The following PCMT1 variants were observed in gnomAD, a reference collection of about 807,000 sequenced individuals.
PCMT1 encodes protein-L-isoaspartate(D-aspartate) O-methyltransferase.
A neutral mutation model predicts 29.2 loss-of-function variants in PCMT1; 9 were observed. That is an observed-to-expected ratio of 0.31 (90% CI 0.19 to 0.54). The LOEUF (loss-of-function observed/expected upper bound fraction) is 0.54, where lower values mean the gene tolerates loss of function less well. Among genes scored for constraint, PCMT1 ranks in the 20% least tolerant of loss-of-function variants. The pLI is 0.95. For synonymous variants in PCMT1, 98 were observed against 97.5 expected (o/e 1.00, Z -0.03); for missense variants, 184 against 282.2 (o/e 0.65, Z 2.49).
intron 5 of PCMT1, chr6:149,796,196 A>G: frequency 2.6e-6 from 1 of 385,758 alleles, no homozygotes. Context: ...TGTTAACTCC[A>G]GTTTTTCATC....
chr6:149,801,482 C>T (rs922783576), intron 6 of PCMT1, among the ~76,000 whole-genome samples: 2 of 152,138 alleles, frequency 1.3e-5, no homozygotes, highest in South Asian at 2.1e-4. Context: ...GAGTCTCGCT[C>T]TGTCACCCAG....
chr6:149,788,787 C>G (rs931723341), intron 3 of PCMT1, among the ~76,000 whole-genome samples: 1 of 152,030 alleles, frequency 6.6e-6, no homozygotes, highest in Non-Finnish European at 1.5e-5. Context: ...TGTAAATATC[C>G]TGTTTATTTT....
intron 1 of PCMT1, 158 bp downstream of exon 1, chr6:149,750,114 G>C (rs1786242243): frequency 9.7e-7 from 1 of 1,035,894 alleles, no homozygotes; most frequent in African/African-American, 1.6e-5. Context: ...TGCGCTTGCA[G>C]TCGCCTCCCT....
At chr6:149,750,159 A>C in intron 1 of PCMT1, 1 of 714,888 alleles carries the variant, frequency 1.4e-6, no homozygotes, top group Non-Finnish European at 2.2e-6. Context: ...GTGGACTGGA[A>C]GGGGAGAGAA....
intron 3 of PCMT1, among the ~76,000 whole-genome samples, chr6:149,787,689 T>C (rs1276958467): frequency 6.6e-6 from 1 of 151,862 alleles, no homozygotes; most frequent in East Asian, 2.0e-4. Flanking sequence ...TTTGACATAA[T>C]TTCTGACTTA....
chr6:149,808,233 TAATG>T (rs890161422), intron 7 of PCMT1, among the ~76,000 whole-genome samples: 7 of 152,184 alleles, frequency 4.6e-5, no homozygotes, highest in African/African-American at 1.7e-4. Flanking sequence ...GTTATTAACC[TAATG>T]AATATATTTA....
chr6:149,810,764 T>G lies in PCMT1; in HGVS notation c.*186T>G. ...TTATTTTCAGCATGAAAATGTGTGT[T>G]TTTTTAGGGTTTCTGATTCTTCAAA... On this transcript the variant is annotated 3_prime_UTR_variant, in exon 8 of 8. Transcript: ENST00000464889. The G allele has an allele frequency of 3.2e-6, 2 of 630,002 alleles. No individual in the cohort carries two copies. The highest frequency in any genetic ancestry group is 5.3e-6 in the Non-Finnish European group (2 of 377,902). The allele number at this position is 630,002 out of a possible 1,614,324, so 39.0% of individuals were successfully genotyped here. A position where few individuals can be genotyped will look rare whatever the true frequency, so the allele number is the denominator to read the frequency against.
chr6:149,809,743 A>T (rs1414074634), intron 7 of PCMT1, among the ~76,000 whole-genome samples: 1 of 152,144 alleles, frequency 6.6e-6, no homozygotes, highest in African/African-American at 2.4e-5. Context: ...AAATCTCTTC[A>T]TCCAGAGTCA....
intron 3 of PCMT1, among the ~76,000 whole-genome samples, chr6:149,780,000 G>A (rs1040651912): frequency 6.6e-6 from 1 of 151,922 alleles, no homozygotes; most frequent in East Asian, 1.9e-4. Context: ...TTACTTCATG[G>A]CAAAAGATGC....
In PCMT1 at chr6:149,751,296, A is replaced by C. The variant is rs115894025; in HGVS notation, c.55+1340A>C. 4.7e-3 allele frequency among the ~76,000 whole-genome samples: 718 copies of C among 152,052 alleles called. 5 individuals are homozygous for C. The highest frequency in any genetic ancestry group is 0.016 in the African/African-American group (680 of 41,508). ...CTTGCCACTGCACTCCAGCCTGGGC[A>C]ACAAGGGAGGAAACTCCGCCTCAAA... On this transcript the variant is annotated intron_variant, in intron 1 of 7. Transcript: ENST00000464889.
chr6:149,790,344 C>T (rs999067883), intron 4 of PCMT1, among the ~76,000 whole-genome samples: 6 of 152,050 alleles, frequency 3.9e-5, no homozygotes, highest in Admixed American at 2.6e-4. Flanking sequence ...TTGTTATTGA[C>T]GATAGGGTTC....
At chr6:149,794,889 C>T (rs1027497939) in intron 5 of PCMT1, 2 of 479,762 alleles carry the variant, frequency 4.2e-6, no homozygotes, top group Non-Finnish European at 4.2e-6. Flanking sequence ...CAACTCACTT[C>T]TTGTATTAGA....
At chr6:149,786,030 C>T (rs1323234651) in intron 3 of PCMT1, among the ~76,000 whole-genome samples, 13 of 143,078 alleles carry the variant, frequency 9.1e-5, no homozygotes, top group Non-Finnish European at 1.9e-4. Flanking sequence ...GCTGGCCGGG[C>T]GGGGGGCTGA....
In PCMT1 at chr6:149,781,252, A is replaced by T. The variant is rs556375307; in HGVS notation, c.192+8083A>T. 2.9e-5 allele frequency among the ~76,000 whole-genome samples: 4 copies of T among 139,624 alleles called. No homozygotes were observed. In the South Asian group the frequency reaches 8.9e-4, roughly 31 times the overall value. The allele number at this position is 139,624 out of a possible 152,430, so 91.6% of individuals were successfully genotyped here. Reference sequence around the variant, plus strand: ...AACTTTTTTTTTTTTTCTGAGACAGAGTCTCGCTCTGTCACCCGGGCTGGA... The same window carrying T: ...AACTTTTTTTTTTTTTCTGAGACAGTGTCTCGCTCTGTCACCCGGGCTGGA... On this transcript the variant is annotated intron_variant, in intron 3 of 7. Coordinates refer to ENST00000464889, the MANE Select transcript of PCMT1 (RefSeq NM_001360452.2).
At chr6:149,767,200 CCTT>C (rs373664676) in intron 1 of PCMT1, among the ~76,000 whole-genome samples, 6 of 151,452 alleles carry the variant, frequency 4.0e-5, no homozygotes, top group East Asian at 1.9e-4. Context: ...GAGGAAGACT[CCTT>C]CTCAAAAAAA....
At chr6:149,751,333 T>G (rs942288794) in intron 1 of PCMT1, among the ~76,000 whole-genome samples, 1 of 152,076 alleles carries the variant, frequency 6.6e-6, no homozygotes, top group Non-Finnish European at 1.5e-5. Flanking sequence ...AAAAAATTTT[T>G]TTTTGAATTT....
chr6:149,796,937 C>T lies in PCMT1; in HGVS notation c.504+437C>T, dbSNP rs541044801. The T allele has an allele frequency of 1.4e-4, 22 of 153,098 alleles. No individual in the cohort carries two copies. The South Asian group carries it at 4.5e-3, about 31-fold the overall frequency. 9.5% of individuals were successfully genotyped at this position (153,098 alleles called of 1,614,324 possible). A position where few individuals can be genotyped will look rare whatever the true frequency, so the allele number is the denominator to read the frequency against. ...CAAGTGATTCTCCTGCCTTAGCCTC[C>T]CGAGTAGCTGGGATAACAGGCGCCC... is the stretch of plus-strand genomic sequence containing the variant. On this transcript the variant is annotated intron_variant, in intron 6 of 7. Coordinates refer to ENST00000464889, the MANE Select transcript of PCMT1 (RefSeq NM_001360452.2).
At position 149,808,318 on chromosome 6, in the gene PCMT1, C is replaced by T. The variant is rs181842251; in HGVS notation, c.*38-2298C>T. Reference sequence around the variant, plus strand: ...CATACTATTTTTTATTGTAAATGATCTATACATGTAAGTCAGATAAAGAAA... The same window carrying T: ...CATACTATTTTTTATTGTAAATGATTTATACATGTAAGTCAGATAAAGAAA... On this transcript the variant is annotated intron_variant, in intron 7 of 7. Coordinates refer to ENST00000464889, the MANE Select transcript of PCMT1 (RefSeq NM_001360452.2). Among the ~76,000 whole-genome samples, 38 of 152,044 alleles carry T rather than the reference C, an allele frequency of 2.5e-4. No homozygotes were observed. In the East Asian group the frequency reaches 6.2e-3, roughly 25 times the overall value.
At chr6:149,755,576 C>T (rs755975825) in intron 1 of PCMT1, among the ~76,000 whole-genome samples, 6 of 152,120 alleles carry the variant, frequency 3.9e-5, no homozygotes, top group Non-Finnish European at 8.8e-5. Context: ...GTTCTTTTAT[C>T]TATTTTTATT....
Sources: allele counts gnomAD v4.1 joint callset (sites outside exome capture counted in the v4.1 genomes callset), GRCh38; gene constraint gnomAD v4.1.1; transcripts MANE v1.5; gene names NCBI Gene and HGNC (gene_info 2026-07-23, HGNC 2026-07-21).